GIMD1: variants seen among roughly 807,000 people sequenced by gnomAD.
GIMD1 encodes the protein GIMAP family P-loop NTPase domain containing 1.
A neutral mutation model predicts 14.9 loss-of-function variants in GIMD1; 14 were observed. The ratio of observed to expected loss-of-function variants is 0.94; its 90% CI spans 0.62 to 1.47. The LOEUF is 1.47. GIMD1 is among the 40% of genes most tolerant of loss of function. GIMD1 has a pLI of 0.00. For synonymous variants in GIMD1, 91 were observed against 90.5 expected (o/e 1.01, Z -0.03); for missense variants, 272 against 255.3 (o/e 1.07, Z -0.44).
rs956420441 is a variant in GIMD1, at chr4:106,358,456, A to G, written c.394-13T>C. ...GTCCAAGAAGTTCCTGAAAGAGAGA[A>G]GTTAGATAACTATTGAACTTGAACT... is the stretch of plus-strand genomic sequence containing the variant. On this transcript the variant is annotated splice_polypyrimidine_tract_variant and intron_variant, in intron 2 of 2. Coordinates refer to ENST00000638719, the MANE Select transcript of GIMD1 (RefSeq NM_001195138.2). 9 of 1,499,590 alleles carry G rather than the reference A, an allele frequency of 6.0e-6. No homozygotes were observed. The highest frequency in any genetic ancestry group is 7.9e-6 in the Non-Finnish European group (9 of 1,134,058). 92.9% of individuals were successfully genotyped at this position (1,499,590 alleles called of 1,614,324 possible).
In GIMD1 at chr4:106,367,116, A is replaced by G. The variant is rs1384769042; in HGVS notation, c.320T>C (p.Leu107Pro). 1.3e-6 allele frequency: 2 copies of G among 1,535,302 alleles called. No homozygotes were observed. The highest frequency in any genetic ancestry group is 2.7e-5 in the African/African-American group (2 of 72,956). ...AHHFGQGGLH[L>P]ALLVQRADVP... The stretch of plus-strand genomic sequence containing the variant: ...ATCTGCTCTCTGAACCAGGAGTGCA[A>G]GGTGGAGACCCCCTTGCCCGAAGTG... The change falls in exon 2 of 3, where the codon CTT becomes CCT. Residue 107 changes from leucine to proline, a missense_variant. By Grantham distance (98) the Leu-to-Pro change is moderately conservative. Coordinates refer to ENST00000638719, the MANE Select transcript of GIMD1 (RefSeq NM_001195138.2).
At chr4:106,362,436 T>C (rs1770626858) in intron 2 of GIMD1, among the ~76,000 whole-genome samples, 1 of 152,174 alleles carries the variant, frequency 6.6e-6, no homozygotes, top group Non-Finnish European at 1.5e-5. Flanking sequence ...TGTTAATAAT[T>C]TAAATATAGT....
intron 2 of GIMD1, among the ~76,000 whole-genome samples, chr4:106,358,928 CAT>C (rs1770575124): frequency 6.6e-6 from 1 of 151,866 alleles, no homozygotes; most frequent in Admixed American, 6.6e-5. Flanking sequence ...AATCAGGTGA[CAT>C]GTAATGGAAA....
intron 1 of GIMD1, among the ~76,000 whole-genome samples, chr4:106,367,953 G>A (rs75634642): frequency 6.6e-6 from 1 of 152,052 alleles, no homozygotes; most frequent in Non-Finnish European, 1.5e-5. Context: ...TACACAAGTG[G>A]TATCTGCAAA....
At chr4:106,367,522 C>T in intron 1 of GIMD1, 85 bp from the exon 2 acceptor site, 3 of 1,274,204 alleles carry the variant, frequency 2.4e-6, no homozygotes, top group Non-Finnish European at 3.2e-6. Context: ...TGGTTGCACT[C>T]CAAGTACGAT....
At chr4:106,368,253 A>G (rs1468307910) in intron 1 of GIMD1, among the ~76,000 whole-genome samples, 3 of 152,198 alleles carry the variant, frequency 2.0e-5, no homozygotes, top group African/African-American at 7.2e-5. Context: ...ATACCTGTAC[A>G]GTGGCCGATC....
At position 106,368,739 on chromosome 4, in the gene GIMD1, C is replaced by G; in HGVS notation, c.-32G>C. 2.5e-6 allele frequency: 1 copy of G among 398,538 alleles called. No homozygotes were observed. Among genetic ancestry groups the G allele is most frequent in the East Asian group, 3.6e-5 (1 of 28,072 alleles). 24.7% of individuals were successfully genotyped at this position (398,538 alleles called of 1,614,324 possible). Reference sequence around the variant, plus strand: ...TCCAGTCTTGAAAATGCTTTCTCCACAAAGACGTCTCTCGCCCTGGCACAG... The same window carrying G: ...TCCAGTCTTGAAAATGCTTTCTCCAGAAAGACGTCTCTCGCCCTGGCACAG... On this transcript the variant is annotated 5_prime_UTR_variant, in exon 1 of 3. Transcript: ENST00000638719.
Position 106,368,729 on chromosome 4 carries a change from G to T in GIMD1, c.-22C>A. 2.5e-6 allele frequency: 1 copy of T among 398,438 alleles called. No individual in the cohort carries two copies. Among genetic ancestry groups the T allele is most frequent in the East Asian group, 3.6e-5 (1 of 28,072 alleles). The allele number at this position is 398,438 out of a possible 1,614,324, so 24.7% of individuals were successfully genotyped here. Reference sequence around the variant, plus strand: ...GCTTACCTTTTCCAGTCTTGAAAATGCTTTCTCCACAAAGACGTCTCTCGC... The same window carrying T: ...GCTTACCTTTTCCAGTCTTGAAAATTCTTTCTCCACAAAGACGTCTCTCGC... On this transcript the variant is annotated 5_prime_UTR_variant, in exon 1 of 3. Transcript: ENST00000638719.
chr4:106,362,507 T>C (rs768613612), intron 2 of GIMD1, among the ~76,000 whole-genome samples: 3 of 152,094 alleles, frequency 2.0e-5, no homozygotes, highest in Non-Finnish European at 2.9e-5. Context: ...TGCTAATGGG[T>C]ATGAGTCCAT....
chr4:106,365,557 C>A (rs1770685116), intron 2 of GIMD1, among the ~76,000 whole-genome samples: 1 of 151,954 alleles, frequency 6.6e-6, no homozygotes, highest in East Asian at 1.9e-4. Context: ...TGAGACTGAA[C>A]CAAAAGAAGG....
In GIMD1 at chr4:106,358,533, A is replaced by T; in HGVS notation, c.394-90T>A. 8 of 915,260 alleles carry T rather than the reference A, an allele frequency of 8.7e-6. No homozygotes were observed. In the South Asian group the frequency reaches 1.6e-4, roughly 18 times the overall value. The allele number at this position is 915,260 out of a possible 1,614,324, so 56.7% of individuals were successfully genotyped here. ...TTATTACGGTCCAATATAGATAGCC[A>T]GCAGATCCATATTATTATGTTTCTG... On this transcript the variant is annotated intron_variant, in intron 2 of 2. Coordinates refer to ENST00000638719, the MANE Select transcript of GIMD1 (RefSeq NM_001195138.2).
intron 2 of GIMD1, among the ~76,000 whole-genome samples, chr4:106,360,278 T>C (rs554371977): frequency 3.9e-5 from 6 of 152,046 alleles, no homozygotes; most frequent in African/African-American, 1.4e-4. Context: ...ACACCCACCA[T>C]AGAATAACTG....
intron 1 of GIMD1, among the ~76,000 whole-genome samples, chr4:106,368,048 A>AT (rs957731919): frequency 3.2e-4 from 48 of 148,854 alleles, no homozygotes; most frequent in East Asian, 1.4e-3. Flanking sequence ...TGCTTACCAA[A>AT]TTTTTTTTTT....
chr4:106,358,305 G>A lies in GIMD1; in HGVS notation c.532C>T (p.Gln178Ter), dbSNP rs1212782192. ...DTLKTLLNSI[Q>*]HKYVFQYKKG... ...TTGTACTGGAAAACGTATTTGTGCTGAATAGAATTTAGCAGCGTTTTCAGG... is the reference window on the plus strand; with the variant it reads ...TTGTACTGGAAAACGTATTTGTGCTAAATAGAATTTAGCAGCGTTTTCAGG... Residue 178 changes from glutamine to a stop codon, truncating the protein, a stop_gained, in exon 3 of 3, where the codon CAG becomes TAG. Transcript: ENST00000638719. LOFTEE classifies it high-confidence loss of function. 3 of 1,533,468 alleles carry A rather than the reference G, an allele frequency of 2.0e-6. No homozygotes were observed. The highest frequency in any genetic ancestry group is 2.6e-6 in the Non-Finnish European group (3 of 1,145,324). 95.0% of individuals were successfully genotyped at this position (1,533,468 alleles called of 1,614,324 possible). A position where few individuals can be genotyped will look rare whatever the true frequency, so the allele number is the denominator to read the frequency against.
At chr4:106,362,169 C>T (rs1191585440) in intron 2 of GIMD1, among the ~76,000 whole-genome samples, 1 of 152,072 alleles carries the variant, frequency 6.6e-6, no homozygotes, top group African/African-American at 2.4e-5. Flanking sequence ...AAAGGATGCT[C>T]ATACCTTAAA....
chr4:106,367,126 C>A lies in GIMD1; in HGVS notation c.310G>T (p.Gly104Cys). Residue 104 changes from glycine to cysteine, a missense_variant, in exon 2 of 3, where the codon GGT (glycine) becomes TGT (cysteine). Gly to Cys is a radical substitution (Grantham distance 159). Coordinates refer to ENST00000638719, the MANE Select transcript of GIMD1 (RefSeq NM_001195138.2). ...TGAACCAGGAGTGCAAGGTGGAGACCCCCTTGCCCGAAGTGATGTGCCAGA... is the reference window on the plus strand; with the variant it reads ...TGAACCAGGAGTGCAAGGTGGAGACACCCTTGCCCGAAGTGATGTGCCAGA... ...EALAHHFGQGGLHLALLVQRA... is the reference protein window; with the variant it reads ...EALAHHFGQGCLHLALLVQRA... 3.9e-6 allele frequency: 6 copies of A among 1,535,226 alleles called. No individual in the cohort carries two copies. The highest frequency in any genetic ancestry group is 5.2e-6 in the Non-Finnish European group (6 of 1,146,520).
Position 106,357,939 on chromosome 4 carries a change from A to G in GIMD1, c.*244T>C, listed in dbSNP as rs1770555875. The G allele has an allele frequency of 3.1e-6, 1 of 327,344 alleles. No homozygotes were observed. Among genetic ancestry groups the G allele is most frequent in the African/African-American group, 2.1e-5 (1 of 46,708 alleles). 20.3% of individuals were successfully genotyped at this position (327,344 alleles called of 1,614,324 possible). On this transcript the variant is annotated 3_prime_UTR_variant, in exon 3 of 3. Coordinates refer to ENST00000638719, the MANE Select transcript of GIMD1 (RefSeq NM_001195138.2). Reference sequence around the variant, plus strand: ...TGCATACATGTCTTCTAGTACACAAATGTACACATTTATGTTGGGTATACA... The same window carrying G: ...TGCATACATGTCTTCTAGTACACAAGTGTACACATTTATGTTGGGTATACA...
At position 106,358,233 on chromosome 4, in the gene GIMD1, T is replaced by A; in HGVS notation, c.604A>T (p.Ile202Phe). 1 of 1,513,800 alleles carries A rather than the reference T, an allele frequency of 6.6e-7. No individual in the cohort carries two copies. Among genetic ancestry groups the A allele is most frequent in the Non-Finnish European group, 8.8e-7 (1 of 1,134,198 alleles). 93.8% of individuals were successfully genotyped at this position (1,513,800 alleles called of 1,614,324 possible). The change falls in exon 3 of 3, where the codon ATC becomes TTC. Residue 202 changes from isoleucine to phenylalanine, a missense_variant. Physicochemically the swap from Ile to Phe is conservative, Grantham distance 21 (BLOSUM62 0). Transcript: ENST00000638719. ...CAGTTCTCTTTTATAAATTCCATGA[T>A]TCTTTCTAAGATTTTCATTCTTTGT... ...NEQRMKILERIMEFIKENCYQ... is the reference protein window; with the variant it reads ...NEQRMKILERFMEFIKENCYQ...
chr4:106,367,126 C>T lies in GIMD1; in HGVS notation c.310G>A (p.Gly104Ser). 4 of 1,535,226 alleles carry T rather than the reference C, an allele frequency of 2.6e-6. No homozygotes were observed. The highest frequency in any genetic ancestry group is 3.5e-6 in the Non-Finnish European group (4 of 1,146,520). ...EALAHHFGQG[G>S]LHLALLVQRA... is the part of the protein sequence containing the mutation. Reference sequence around the variant, plus strand: ...TGAACCAGGAGTGCAAGGTGGAGACCCCCTTGCCCGAAGTGATGTGCCAGA... The same window carrying T: ...TGAACCAGGAGTGCAAGGTGGAGACTCCCTTGCCCGAAGTGATGTGCCAGA... The change falls in exon 2 of 3, where the codon GGT becomes AGT. Residue 104 changes from glycine (G) to serine (S), a missense_variant. Transcript: ENST00000638719.
Sources: gnomAD v4.1 joint callset for allele counts (sites outside exome capture counted in the v4.1 genomes callset) on GRCh38, gnomAD v4.1.1 for gene constraint, MANE v1.5 for transcripts, NCBI Gene and HGNC (gene_info 2026-07-23, HGNC 2026-07-21) for gene names.